Variants in FRMPD1 observed in about 807,000 individuals in gnomAD.
FRMPD1 encodes FERM and PDZ domain containing 1, also known as FERM and PDZ domain-containing protein 1.
Under a neutral mutation model 117.8 loss-of-function variants are expected in FRMPD1, and 76 were observed. The observed-to-expected ratio is 0.65, with a 90% CI of 0.54 to 0.78. FRMPD1 has a LOEUF of 0.78. Among genes scored for constraint, FRMPD1 ranks in the 30% least tolerant of loss-of-function variants. The probability of loss-of-function intolerance (pLI) is 0.00; values close to 1 mark genes in which losing one functional copy is unlikely to be tolerated. For missense variants in FRMPD1, 1,786 were observed against 1,964.5 expected (o/e 0.91, Z 1.72); for synonymous variants, 783 against 770.4 (o/e 1.02, Z -0.27).
At chr9:37,609,292 C>CA in the FRMPD1 span, among the ~76,000 whole-genome samples, 7,818 of 117,954 alleles carry the variant, frequency 0.066, 594 homozygotes, top group African/African-American at 0.2. Context: ...AACTCCGTCT[C>CA]AAAAAAAAAA....
intron 2 of FRMPD1, among the ~76,000 whole-genome samples, chr9:37,694,725 C>G (rs1229324949): frequency 6.6e-6 from 1 of 152,040 alleles, no homozygotes; most frequent in African/African-American, 2.4e-5. Flanking sequence ...TTTGCCTATC[C>G]TGGATATTTC....
chr9:37,740,082 T>C lies in FRMPD1; in HGVS notation c.1554T>C (p.Tyr518=), dbSNP rs1261076969. 3.1e-6 allele frequency: 5 copies of C among 1,593,140 alleles called. No individual in the cohort carries two copies. The highest frequency in any genetic ancestry group is 3.4e-6 in the Non-Finnish European group (4 of 1,169,350). Residue 518 remains tyrosine (Y), a synonymous_variant, in exon 15 of 16, where the codon TAT becomes TAC. Coordinates refer to ENST00000377765, the MANE Select transcript of FRMPD1 (RefSeq NM_014907.3). The surrounding 1 kb of genome is among the most constrained non-coding windows in gnomAD (Gnocchi z 4.2). ...TTGCTGTACCCTGTGTTGCAGGCTA[T>C]GAATCCAGGGCCTGCAGTGACTCAG... ...QAHRVSAEEG[Y]ESRACSDSEE... is the part of the protein sequence containing the mutation.
the FRMPD1 span, among the ~76,000 whole-genome samples, chr9:37,626,622 G>GAAAAAAAAA: frequency 5.6e-4 from 27 of 48,596 alleles, 3 homozygotes; most frequent in African/African-American, 1.0e-3. Context: ...CCTGGTATCT[G>GAAAAAAAAA]AAAAAAAAAA....
chr9:37,740,621 T>C lies in FRMPD1; in HGVS notation c.2093T>C (p.Leu698Pro), dbSNP rs1824352600. ...ELSTVRLDPR[L>P]YEGSHADYYS... ...AGCACAGTCAGGCTGGACCCCAGGC[T>C]GTATGAAGGCAGCCACGCTGACTAC... Residue 698 changes from leucine to proline, a missense_variant, in exon 15 of 16, where the codon CTG becomes CCG. Transcript: ENST00000377765. This position sits in a 1 kb window ranked among gnomAD's most constrained non-coding sequence, Gnocchi z 4.2. 1 of 1,614,166 alleles carries C rather than the reference T, an allele frequency of 6.2e-7. No homozygotes were observed. The highest frequency in any genetic ancestry group is 1.1e-5 in the South Asian group (1 of 91,088).
rs562565271 is a variant in FRMPD1 at position 37,676,279 on chromosome 9, C to T, written c.-4-16359C>T. 2.4e-4 allele frequency among the ~76,000 whole-genome samples: 36 copies of T among 152,124 alleles called. 1 individual carries two copies. Among genetic ancestry groups the T allele is most frequent in the Non-Finnish European group, 4.0e-4 (27 of 67,990 alleles). On this transcript the variant is annotated intron_variant, in intron 1 of 15. Transcript: ENST00000377765. ...TGCTTCTGTGGCCAGTTCTGTTTTT[C>T]GTTCCTAGAGCTCGTGTCTCGGGGA... is the stretch of plus-strand genomic sequence containing the variant.
chr9:37,725,057 T>G (rs1414468735), intron 7 of FRMPD1, among the ~76,000 whole-genome samples: 1 of 151,644 alleles, frequency 6.6e-6, no homozygotes, highest in African/African-American at 2.4e-5. Context: ...AATCAGAGAG[T>G]CACGTGAACT....
chr9:37,617,358 G>A, the FRMPD1 span, among the ~76,000 whole-genome samples: 21 of 152,304 alleles, frequency 1.4e-4, no homozygotes, highest in Admixed American at 1.3e-3. Flanking sequence ...TTCAGTACAT[G>A]CCAGAGCCAG....
chr9:37,622,576 C>T, the FRMPD1 span, among the ~76,000 whole-genome samples: 2 of 152,174 alleles, frequency 1.3e-5, no homozygotes, highest in South Asian at 2.1e-4. Flanking sequence ...TCAGTCCCAC[C>T]TTGCAACTGA....
At chr9:37,676,712 A>T (rs1049782413) in intron 1 of FRMPD1, among the ~76,000 whole-genome samples, 1 of 152,330 alleles carries the variant, frequency 6.6e-6, no homozygotes, top group East Asian at 1.9e-4. Context: ...GGCAGGCGGC[A>T]TCTGGCATTC....
intron 1 of FRMPD1, among the ~76,000 whole-genome samples, chr9:37,661,263 G>T (rs1218184638): frequency 6.6e-6 from 1 of 152,144 alleles, no homozygotes; most frequent in Non-Finnish European, 1.5e-5. Context: ...GGGTGCAGGG[G>T]GAAGTACCCA....
the FRMPD1 span, among the ~76,000 whole-genome samples, chr9:37,645,613 C>A: frequency 2.6e-5 from 4 of 152,168 alleles, no homozygotes; most frequent in Admixed American, 6.5e-5. Flanking sequence ...TTCACCAGTA[C>A]ACAGATAATG....
At position 37,719,192 on chromosome 9, in the gene FRMPD1, A is replaced by G; in HGVS notation, c.516+16A>G. On this transcript the variant is annotated intron_variant, in intron 6 of 15. Coordinates refer to ENST00000377765, the MANE Select transcript of FRMPD1 (RefSeq NM_014907.3). Reference sequence around the variant, plus strand: ...ACACAGCCAGGTGTGTCACTAGTCAAGGGATTGAAATTATGAAGCTGGCGA... The same window carrying G: ...ACACAGCCAGGTGTGTCACTAGTCAGGGGATTGAAATTATGAAGCTGGCGA... The G allele has an allele frequency of 1.3e-6, 2 of 1,495,742 alleles. No individual in the cohort carries two copies. The highest frequency in any genetic ancestry group is 1.9e-6 in the Non-Finnish European group (2 of 1,071,806). The allele number at this position is 1,495,742 out of a possible 1,614,324, so 92.7% of individuals were successfully genotyped here. A position where few individuals can be genotyped will look rare whatever the true frequency, so the allele number is the denominator to read the frequency against.
the FRMPD1 span, among the ~76,000 whole-genome samples, chr9:37,634,014 C>T: frequency 6.6e-6 from 1 of 152,176 alleles, no homozygotes; most frequent in African/African-American, 2.4e-5. Flanking sequence ...TTCTTCTCCC[C>T]GGAGGGAACC....
chr9:37,650,031 G>T (rs1315335648), upstream of FRMPD1, among the ~76,000 whole-genome samples: 1 of 152,152 alleles, frequency 6.6e-6, no homozygotes, highest in Non-Finnish European at 1.5e-5. Context: ...TGGTGCCCTT[G>T]GCCCCGTGGG....
chr9:37,634,755 TTTC>T, the FRMPD1 span, among the ~76,000 whole-genome samples: 1,594 of 152,068 alleles, frequency 0.01, 23 homozygotes, highest in African/African-American at 0.035. Flanking sequence ...GGAGATTTTT[TTTC>T]TTCTTCTTTT....
intron 1 of FRMPD1, among the ~76,000 whole-genome samples, chr9:37,674,440 T>C (rs146620336): frequency 1.6e-4 from 24 of 152,336 alleles, no homozygotes; most frequent in African/African-American, 5.5e-4. Context: ...TTCCCACATT[T>C]TCCTGCCTTC....
At chr9:37,736,958 T>TG (rs1824162526) in intron 13 of FRMPD1, 138 bp from the exon 14 acceptor site, 1 of 669,576 alleles carries the variant, frequency 1.5e-6, no homozygotes, top group Non-Finnish European at 2.7e-6. Context: ...AGTGAGGATA[T>TG]GGGGCACCAG....
chr9:37,637,924 G>A, the FRMPD1 span, among the ~76,000 whole-genome samples: 3 of 105,984 alleles, frequency 2.8e-5, no homozygotes, highest in African/African-American at 5.5e-5. Context: ...CACAACAACG[G>A]TGGGATTTTA....
At chr9:37,738,135 A>G (rs1315895627) in intron 14 of FRMPD1, among the ~76,000 whole-genome samples, 1 of 152,210 alleles carries the variant, frequency 6.6e-6, no homozygotes, top group South Asian at 2.1e-4. Context: ...CATGGTGTCA[A>G]CATTCTCACG....
Sources: gnomAD v4.1 joint callset for allele counts (sites outside exome capture counted in the v4.1 genomes callset) on GRCh38, gnomAD v4.1.1 for gene constraint, Gnocchi (gnomAD v3.1) non-coding constraint, MANE v1.5 for transcripts, NCBI Gene and HGNC (gene_info 2026-07-23, HGNC 2026-07-21) for gene names.